Variants in ZNF385D observed in about 807,000 individuals in gnomAD.
ZNF385D encodes zinc finger protein 385D.
In ZNF385D, 15 loss-of-function variants were observed where a neutral mutation model predicts 35.8. The observed-to-expected ratio is 0.42, with a 90% CI of 0.28 to 0.64. The LOEUF (loss-of-function observed/expected upper bound fraction) is 0.64. ZNF385D is among the 30% of genes least tolerant of loss of function. The pLI is 0.23. For missense variants in ZNF385D, 474 were observed against 494.6 expected (o/e 0.96, Z 0.39); for synonymous variants, 212 against 186.8 (o/e 1.13, Z -1.10).
intron 3 of ZNF385D, among the ~76,000 whole-genome samples, chr3:21,891,008 T>C (rs576370206): frequency 5.3e-5 from 8 of 152,314 alleles, no homozygotes; most frequent in African/African-American, 1.9e-4. Flanking sequence ...CACTTGGAAC[T>C]GGACTAATAC....
At chr3:22,264,275 T>A (rs1162612427) in intron 2 of ZNF385D, among the ~76,000 whole-genome samples, 1 of 152,020 alleles carries the variant, frequency 6.6e-6, no homozygotes, top group African/African-American at 2.4e-5. Context: ...CAGCAGCTAC[T>A]TTTCCTTGAA....
At chr3:22,273,074 G>T (rs1701259173) in intron 2 of ZNF385D, among the ~76,000 whole-genome samples, 1 of 151,216 alleles carries the variant, frequency 6.6e-6, no homozygotes, top group African/African-American at 2.4e-5. Context: ...GAGAGAAAGA[G>T]AGAAAAAAAA....
chr3:22,304,085 T>C lies in ZNF385D; in HGVS notation c.106+68365A>G, dbSNP rs117614080. Among the ~76,000 whole-genome samples the C allele has an allele frequency of 6.8e-4, 104 of 152,296 alleles. No individual in the cohort carries two copies. In the East Asian group the frequency reaches 0.014, roughly 20 times the overall value. ...GTCACCATGCCTGGTCTCTGTTTCC[T>C]TTTAACTGCATAAAGCTTCAACTAT... On this transcript the variant is annotated intron_variant, in intron 2 of 5. Transcript: ENST00000494108.
chr3:21,754,925 T>C (rs1189488657), upstream of ZNF385D, among the ~76,000 whole-genome samples: 1 of 152,250 alleles, frequency 6.6e-6, no homozygotes, highest in African/African-American at 2.4e-5. Flanking sequence ...CATACTTTTC[T>C]ATGTGCCTGA....
intron 3 of ZNF385D, among the ~76,000 whole-genome samples, chr3:21,795,405 G>A (rs186745047): frequency 3.3e-5 from 5 of 152,350 alleles, no homozygotes; most frequent in African/African-American, 1.2e-4. Flanking sequence ...GCTGAGGGCG[G>A]GGCACATAGC....
At chr3:22,020,117 A>G (rs751698726) in intron 3 of ZNF385D, among the ~76,000 whole-genome samples, 5 of 151,890 alleles carry the variant, frequency 3.3e-5, no homozygotes, top group Admixed American at 2.0e-4. Context: ...TCATTAGTAT[A>G]TGGACGCTCA....
In ZNF385D at chr3:22,066,890, A is replaced by C. The variant is rs146142699; in HGVS notation, c.325+101927T>G. On this transcript the variant is annotated intron_variant, in intron 3 of 5. Transcript: ENST00000494108. ...TGCTAAATAACTTTTACCTACGCTG[A>C]ATGCTTCATCAAAATCAATGATGCC... Among the ~76,000 whole-genome samples the C allele has an allele frequency of 9.5e-3, 1,440 of 152,310 alleles. 26 individuals carry two copies. Among genetic ancestry groups the C allele is most frequent in the African/African-American group, 0.033 (1,367 of 41,564 alleles).
At chr3:22,195,785 A>G (rs1251123482) in intron 2 of ZNF385D, among the ~76,000 whole-genome samples, 2 of 152,068 alleles carry the variant, frequency 1.3e-5, no homozygotes, top group East Asian at 1.9e-4. Flanking sequence ...ATGCCTATCA[A>G]TGATAGACTG....
chr3:22,318,300 G>C (rs1287323400), intron 2 of ZNF385D, among the ~76,000 whole-genome samples: 1 of 152,120 alleles, frequency 6.6e-6, no homozygotes, highest in African/African-American at 2.4e-5. Context: ...TATCAATATA[G>C]AAGACAAGAT....
At chr3:21,597,202 C>T (rs1363713163) in intron 2 of ZNF385D, among the ~76,000 whole-genome samples, 3 of 151,920 alleles carry the variant, frequency 2.0e-5, no homozygotes, top group African/African-American at 7.3e-5. Context: ...TAATTAATTG[C>T]TTCATTTTCT....
At chr3:21,584,087 C>T (rs746895927) in intron 2 of ZNF385D, among the ~76,000 whole-genome samples, 13 of 151,946 alleles carry the variant, frequency 8.6e-5, no homozygotes, top group Non-Finnish European at 1.8e-4. Context: ...TATTCTCCTG[C>T]CTCAGCCTCC....
chr3:21,973,949 T>C (rs1220305750), intron 3 of ZNF385D, among the ~76,000 whole-genome samples: 1 of 152,070 alleles, frequency 6.6e-6, no homozygotes, highest in Non-Finnish European at 1.5e-5. Context: ...AGGTATTCTA[T>C]GTTCACAGAT....
rs75513073 is a variant in ZNF385D, at chr3:21,684,175, G to A, written c.23-19147C>T. Among the ~76,000 whole-genome samples, 1,197 of 149,384 alleles carry A rather than the reference G, an allele frequency of 8.0e-3. 69 individuals are homozygous for A. Among genetic ancestry groups the A allele is most frequent in the African/African-American group, 0.028 (1,122 of 40,560 alleles). On this transcript the variant is annotated intron_variant, in intron 1 of 7. Transcript: ENST00000281523. ...CACTGTCTCCTGTAACAACTTTCAA[G>A]CACGCTCTTTTTACTCCTGGCCCCT...
chr3:22,041,950 G>A (rs56063266), intron 3 of ZNF385D, among the ~76,000 whole-genome samples: 23,402 of 152,080 alleles, frequency 0.15, 1,900 homozygotes, highest in East Asian at 0.2. Context: ...GCAATTATTG[G>A]TGGCTGAATT....
At chr3:22,286,223 C>T (rs1252870377) in intron 2 of ZNF385D, among the ~76,000 whole-genome samples, 1 of 152,008 alleles carries the variant, frequency 6.6e-6, no homozygotes, top group Non-Finnish European at 1.5e-5. Flanking sequence ...TAATATTTGT[C>T]TAATTCTTCT....
At chr3:22,292,523 T>C (rs1208276377) in intron 2 of ZNF385D, among the ~76,000 whole-genome samples, 4 of 152,076 alleles carry the variant, frequency 2.6e-5, no homozygotes, top group African/African-American at 9.7e-5. Flanking sequence ...TAGAACTATG[T>C]GAGAGATTTT....
chr3:21,609,806 A>C (rs1378108960), intron 2 of ZNF385D, among the ~76,000 whole-genome samples: 1 of 152,200 alleles, frequency 6.6e-6, no homozygotes, highest in Non-Finnish European at 1.5e-5. Flanking sequence ...CAGTGGCTTA[A>C]AGTCATTTCT....
At chr3:22,218,482 TA>T (rs1330812277) in intron 2 of ZNF385D, among the ~76,000 whole-genome samples, 1 of 152,104 alleles carries the variant, frequency 6.6e-6, no homozygotes, top group Non-Finnish European at 1.5e-5. Context: ...TGTATATGTG[TA>T]TCTATGTACA....
chr3:22,209,958 A>G (rs1697411342), intron 2 of ZNF385D, among the ~76,000 whole-genome samples: 1 of 151,882 alleles, frequency 6.6e-6, no homozygotes, highest in African/African-American at 2.4e-5. Context: ...ATTTCTAGAT[A>G]TTGAAAACTT....
Sources: gnomAD v4.1 joint callset for allele counts (sites outside exome capture counted in the v4.1 genomes callset) on GRCh38, gnomAD v4.1.1 for gene constraint, MANE v1.5 for transcripts, NCBI Gene and HGNC (gene_info 2026-07-23, HGNC 2026-07-21) for gene names.